The following BDP1 variants were observed in gnomAD, a reference collection of about 807,000 sequenced individuals.
BDP1 encodes the protein BDP1 general transcription factor IIIB subunit.
In BDP1, 169 loss-of-function variants were observed where a neutral mutation model predicts 266.6. The observed-to-expected ratio is 0.63, with a 90% CI of 0.56 to 0.72. BDP1 has a LOEUF of 0.72. BDP1 is among the 30% of genes least tolerant of loss of function. BDP1 has a pLI of 0.00. For missense variants in BDP1, 3,015 were observed against 3,053.8 expected (o/e 0.99, Z 0.30); for synonymous variants, 1,090 against 1,022.4 (o/e 1.07, Z -1.26).
chr5:71,520,114 G>C lies in BDP1; in HGVS notation c.4992-2175G>C, dbSNP rs567904904. On this transcript the variant is annotated intron_variant, in intron 22 of 38. Transcript: ENST00000358731. The stretch of plus-strand genomic sequence containing the variant: ...TGTTGGCCATTTGTATGTCTTTTGA[G>C]AACTGTCTGTTCTCTTTTGCCTATT... Among the ~76,000 whole-genome samples the C allele has an allele frequency of 3.3e-5, 5 of 152,232 alleles. No individual in the cohort carries two copies. The East Asian group carries it at 9.6e-4, about 29-fold the overall frequency.
chr5:71,540,618 G>A (rs938662217), intron 28 of BDP1, among the ~76,000 whole-genome samples: 11 of 151,918 alleles, frequency 7.2e-5, no homozygotes, highest in South Asian at 4.2e-4. Context: ...ATGAGCCACC[G>A]CACCCAGCTT....
At chr5:71,544,118 T>G (rs928227330) in intron 30 of BDP1, among the ~76,000 whole-genome samples, 4 of 152,208 alleles carry the variant, frequency 2.6e-5, no homozygotes, top group Non-Finnish European at 4.4e-5. Context: ...AGGATACAAT[T>G]ATCATGGCAG....
intron 15 of BDP1, among the ~76,000 whole-genome samples, chr5:71,504,127 G>C (rs1156402750): frequency 3.9e-5 from 6 of 151,902 alleles, no homozygotes; most frequent in Admixed American, 3.9e-4. Context: ...AAAAACGTTA[G>C]CTGGGTGTGG....
chr5:71,524,679 C>A (rs1438532927), intron 25 of BDP1, among the ~76,000 whole-genome samples: 3 of 146,410 alleles, frequency 2.0e-5, no homozygotes, highest in African/African-American at 5.0e-5. Flanking sequence ...GTGTTTCTCG[C>A]AGAGGGGGAT....
At chr5:71,519,645 C>T (rs1257137920) in intron 22 of BDP1, among the ~76,000 whole-genome samples, 1 of 152,138 alleles carries the variant, frequency 6.6e-6, no homozygotes, top group African/African-American at 2.4e-5. Flanking sequence ...GGATTTCATT[C>T]TTTTTTATGG....
chr5:71,550,067 C>T (rs1460394023), intron 34 of BDP1, among the ~76,000 whole-genome samples: 1 of 152,232 alleles, frequency 6.6e-6, no homozygotes, highest in Non-Finnish European at 1.5e-5. Flanking sequence ...TCATAGTTCA[C>T]TGCATCCTCG....
chr5:71,576,978 C>T, the BDP1 span, among the ~76,000 whole-genome samples: 218 of 152,322 alleles, frequency 1.4e-3, no homozygotes, highest in African/African-American at 4.9e-3. Context: ...AAGAATATCA[C>T]CACTCAATTT....
At position 71,510,605 on chromosome 5, in the gene BDP1, A is replaced by G; in HGVS notation, c.3513A>G (p.Thr1171=). The change falls in exon 17 of 39, where the codon ACA becomes ACG. Residue 1171 remains threonine (T), a synonymous_variant. Transcript: ENST00000358731. The part of the protein sequence containing the change: ...EEVKPVDEME[T]DLKTTGREGS... The stretch of plus-strand genomic sequence containing the variant: ...TCAAGCCTGTAGATGAAATGGAGAC[A>G]GACTTGAAAACAACTGGAAGAGAGG... 2.5e-6 allele frequency: 4 copies of G among 1,587,416 alleles called. No homozygotes were observed. Among genetic ancestry groups the G allele is most frequent in the Non-Finnish European group, 3.4e-6 (4 of 1,163,052 alleles).
chr5:71,537,563 C>G (rs1263150577), intron 26 of BDP1: 1 of 156,650 alleles, frequency 6.4e-6, no homozygotes, highest in Non-Finnish European at 1.4e-5. Context: ...GGCTTTTTTT[C>G]TCTCTGGGCT....
rs1466651377 is a variant in BDP1 at position 71,542,618 on chromosome 5, T to C, written c.6412+353T>C. Among the ~76,000 whole-genome samples, 4 of 152,066 alleles carry C rather than the reference T, an allele frequency of 2.6e-5. No individual in the cohort carries two copies. In the East Asian group the frequency reaches 7.7e-4, roughly 29 times the overall value. On this transcript the variant is annotated intron_variant, in intron 30 of 38. Transcript: ENST00000358731. The stretch of plus-strand genomic sequence containing the variant: ...TGGGTGCAGTGACTCACACCTGTAA[T>C]TCCAGCACTTTGGGAGGCTTGAGCC...
intron 26 of BDP1, among the ~76,000 whole-genome samples, chr5:71,533,459 G>A (rs1268899192): frequency 1.4e-5 from 2 of 139,778 alleles, no homozygotes; most frequent in African/African-American, 5.2e-5. Flanking sequence ...TTTTTTTTTT[G>A]TTCGGTGGAT....
At position 71,545,303 on chromosome 5, in the gene BDP1, A is replaced by T. The variant is rs1742202848; in HGVS notation, c.6744+84A>T. 4.2e-6 allele frequency: 5 copies of T among 1,193,846 alleles called. No homozygotes were observed. In the South Asian group the frequency reaches 6.8e-5, roughly 16 times the overall value. The allele number at this position is 1,193,846 out of a possible 1,614,324, so 74.0% of individuals were successfully genotyped here. A position where few individuals can be genotyped will look rare whatever the true frequency, so the allele number is the denominator to read the frequency against. ...AAAAGGTATAATTTACATACAATAA[A>T]CTTCACCTCTTTTATCTTCATTTTT... On this transcript the variant is annotated intron_variant, in intron 32 of 38. Transcript: ENST00000358731.
intron 7 of BDP1, among the ~76,000 whole-genome samples, chr5:71,481,391 G>GAAAAAAAAA (rs58798987): frequency 6.0e-4 from 38 of 63,852 alleles, no homozygotes; most frequent in East Asian, 1.0e-3. Flanking sequence ...TCTCTACAAA[G>GAAAAAAAAA]AAAAAAAAAA....
intron 13 of BDP1, among the ~76,000 whole-genome samples, chr5:71,500,405 A>G (rs1213371800): frequency 7.2e-6 from 1 of 139,848 alleles, no homozygotes; most frequent in Admixed American, 7.7e-5. Context: ...GCTCACAGCA[A>G]CCTCCGCCTC....
chr5:71,461,486 C>G (rs957999140), intron 2 of BDP1, among the ~76,000 whole-genome samples: 2 of 151,012 alleles, frequency 1.3e-5, no homozygotes, highest in African/African-American at 4.9e-5. Flanking sequence ...GTTAGGCAAG[C>G]ATCTGTAGTC....
rs1765216457 is a variant in BDP1, at chr5:71,516,271, GGTGA to G, written c.4860+3_4860+6del. 1 of 1,607,400 alleles carries G rather than the reference GGTGA, an allele frequency of 6.2e-7. No individual in the cohort carries two copies. Among genetic ancestry groups the G allele is most frequent in the Non-Finnish European group, 8.5e-7 (1 of 1,175,728 alleles). The stretch of plus-strand genomic sequence containing the variant: ...AAACTGAAAAGAAAGTCTTAACTGT[GGTGA>G]GTTATTGTTATGTAATTAAATTTAG... On this transcript the variant is annotated splice_donor_variant and splice_donor_region_variant and intron_variant, in intron 21 of 38. Transcript: ENST00000358731. LOFTEE classifies it high-confidence loss of function.
intron 7 of BDP1, among the ~76,000 whole-genome samples, chr5:71,472,273 CA>C (rs1424516369): frequency 1.3e-5 from 2 of 152,132 alleles, no homozygotes; most frequent in African/African-American, 4.8e-5. Context: ...CCAGCCAGGC[CA>C]ACATGGTGAA....
At chr5:71,494,120 A>C (rs1191786837) in intron 11 of BDP1, among the ~76,000 whole-genome samples, 1 of 152,220 alleles carries the variant, frequency 6.6e-6, no homozygotes, top group Non-Finnish European at 1.5e-5. Flanking sequence ...CAAATCCTCC[A>C]TAAAGAAAAT....
intron 15 of BDP1, among the ~76,000 whole-genome samples, chr5:71,503,671 TC>T (rs1219229504): frequency 1.3e-5 from 2 of 152,096 alleles, no homozygotes; most frequent in African/African-American, 4.8e-5. Context: ...TTCTTATAAT[TC>T]CCATGGTCTC....
Sources: allele counts gnomAD v4.1 joint callset (sites outside exome capture counted in the v4.1 genomes callset), GRCh38; gene constraint gnomAD v4.1.1; transcripts MANE v1.5; gene names NCBI Gene and HGNC (gene_info 2026-07-23, HGNC 2026-07-21).